CHST9: variants seen among roughly 807,000 people sequenced by gnomAD.
The protein encoded by CHST9 is carbohydrate sulfotransferase 9, also known as GalNAc-4-sulfotransferase 2.
CHST9 carries 41 observed loss-of-function variants against 44.4 expected under a neutral mutation model. That is an observed-to-expected ratio of 0.92 (90% CI 0.72 to 1.20). The LOEUF is 1.20. Ranked by LOEUF, CHST9 falls within the 50% of genes most tolerant of loss-of-function variation. The probability of loss-of-function intolerance (pLI) is 0.00; values close to 1 mark genes in which losing one functional copy is unlikely to be tolerated. For synonymous variants in CHST9, 171 were observed against 178.4 expected, an observed-to-expected ratio of 0.96 and a Z score of 0.33; for missense variants, 504 against 516.5, an observed-to-expected ratio of 0.98 and a Z score of 0.23.
chr18:26,916,647 G>A lies in CHST9; in HGVS notation c.944C>T (p.Pro315Leu). The A allele has an allele frequency of 6.2e-7, 1 of 1,613,804 alleles. No homozygotes were observed. The highest frequency in any genetic ancestry group is 2.2e-5 in the East Asian group (1 of 44,872). ...AATTAATGCTTCTTCACAGGCATTT[G>A]GTCGATATTTCTTGATAATTGCCTT... ...FGKAIIKKYRPNACEEALING... is the reference protein window; with the variant it reads ...FGKAIIKKYRLNACEEALING... The change falls in exon 6 of 6, where the codon CCA becomes CTA. Residue 315 changes from proline (P) to leucine (L), a missense_variant. Coordinates refer to ENST00000618847, the MANE Select transcript of CHST9 (RefSeq NM_031422.6).
rs146015150 is a variant in CHST9, at chr18:27,104,913, G to A, written c.121+37776C>T. 4.9e-3 allele frequency among the ~76,000 whole-genome samples: 753 copies of A among 152,174 alleles called. 4 individuals are homozygous for A. The highest frequency in any genetic ancestry group is 7.7e-3 in the Non-Finnish European group (522 of 67,998). ...ATGCCTCTTTAGTGCCTGGCTCATA[G>A]ACGGCACTAAAGACATAGTTGTTAA... On this transcript the variant is annotated intron_variant, in intron 2 of 5. Coordinates refer to ENST00000618847, the MANE Select transcript of CHST9 (RefSeq NM_031422.6).
intron 4 of CHST9, among the ~76,000 whole-genome samples, chr18:26,991,085 A>G (rs2056810576): frequency 6.6e-6 from 1 of 152,190 alleles, no homozygotes; most frequent in Non-Finnish European, 1.5e-5. Context: ...ATATTAAAAT[A>G]ATCACTTAAA....
intron 5 of CHST9, among the ~76,000 whole-genome samples, chr18:26,936,996 G>A (rs2056005465): frequency 6.6e-6 from 1 of 151,940 alleles, no homozygotes; most frequent in Admixed American, 6.6e-5. Context: ...GAACTTGTAA[G>A]AGAGTTTTTA....
chr18:26,953,162 C>G (rs2056274465), intron 4 of CHST9, among the ~76,000 whole-genome samples: 1 of 152,072 alleles, frequency 6.6e-6, no homozygotes, highest in South Asian at 2.1e-4. Context: ...CATGTCTGAG[C>G]AAATTCTAGA....
chr18:27,133,153 C>A (rs890991071), intron 2 of CHST9, among the ~76,000 whole-genome samples: 2 of 152,172 alleles, frequency 1.3e-5, no homozygotes, highest in Non-Finnish European at 2.9e-5. Flanking sequence ...GCCAACAGAA[C>A]TAATGAAGGG....
intron 2 of CHST9, among the ~76,000 whole-genome samples, chr18:27,093,709 C>T (rs143031108): frequency 1.2e-3 from 184 of 152,276 alleles, no homozygotes; most frequent in Middle Eastern, 6.8e-3. Flanking sequence ...CCAGGTGATG[C>T]GACGCCTTGC....
rs1568089042 is a variant in CHST9 at position 26,916,840 on chromosome 18, A to G, written c.751T>C (p.Tyr251His). The change falls in exon 6 of 6, where the codon TAC (tyrosine) becomes CAC (histidine). Residue 251 changes from tyrosine to histidine, a missense_variant. Coordinates refer to ENST00000618847, the MANE Select transcript of CHST9 (RefSeq NM_031422.6). ...AYNISHNAVH[Y>H]GKHLKKLDSF... ...TCTAGCTTCTTCAAATGCTTCCCGTAGTGGACAGCATTGTGGGAGATGTTG... is the reference window on the plus strand; with the variant it reads ...TCTAGCTTCTTCAAATGCTTCCCGTGGTGGACAGCATTGTGGGAGATGTTG... 6.2e-7 allele frequency: 1 copy of G among 1,613,934 alleles called. No individual in the cohort carries two copies.
chr18:27,053,195 A>AAG (rs1568150977), intron 2 of CHST9, among the ~76,000 whole-genome samples: 80 of 114,672 alleles, frequency 7.0e-4, no homozygotes, highest in Non-Finnish European at 9.4e-4. Flanking sequence ...GAAGAAGAAG[A>AAG]AAGAACAAGA....
At position 27,120,218 on chromosome 18, in the gene CHST9, G is replaced by A. The variant is rs73944530; in HGVS notation, c.121+22471C>T. Among the ~76,000 whole-genome samples the A allele has an allele frequency of 3.5e-3, 540 of 152,234 alleles. 1 individual carries two copies. The highest frequency in any genetic ancestry group is 0.012 in the African/African-American group (513 of 41,546). On this transcript the variant is annotated intron_variant, in intron 2 of 5. Transcript: ENST00000618847. Reference sequence around the variant, plus strand: ...GATATATTTCAATTGCCTACATTACGAGTAAATTTTTGATACAGGTAAAGA... The same window carrying A: ...GATATATTTCAATTGCCTACATTACAAGTAAATTTTTGATACAGGTAAAGA...
At chr18:27,052,968 G>A (rs2057586214) in intron 2 of CHST9, among the ~76,000 whole-genome samples, 1 of 151,652 alleles carries the variant, frequency 6.6e-6, no homozygotes, top group Non-Finnish European at 1.5e-5. Context: ...AATACCTAGT[G>A]CATGCAGGGC....
intron 4 of CHST9, among the ~76,000 whole-genome samples, chr18:27,005,979 G>C (rs908936408): frequency 6.6e-6 from 1 of 152,138 alleles, no homozygotes; most frequent in Admixed American, 6.5e-5. Context: ...TATTCCCATA[G>C]CTGCATAAGG....
intron 2 of CHST9, among the ~76,000 whole-genome samples, chr18:27,085,919 C>T (rs2058008145): frequency 6.6e-6 from 1 of 152,116 alleles, no homozygotes; most frequent in South Asian, 2.1e-4. Context: ...GTATATATAG[C>T]ATGGAATACT....
At position 27,084,455 on chromosome 18, in the gene CHST9, T is replaced by TG. The variant is rs201437322; in HGVS notation, c.122-35953dup. ...TCATAGTGGTGTTCATAACACTCGC[T>TG]GGGTTTTTTTTTTTTTATTTCTGTG... On this transcript the variant is annotated intron_variant, in intron 2 of 5. Coordinates refer to ENST00000618847, the MANE Select transcript of CHST9 (RefSeq NM_031422.6). 4.4e-3 allele frequency among the ~76,000 whole-genome samples: 293 copies of TG among 66,448 alleles called. 2 individuals carry two copies. The highest frequency in any genetic ancestry group is 0.013 in the African/African-American group (270 of 20,120). The allele number at this position is 66,448 out of a possible 152,430, so 43.6% of individuals were successfully genotyped here.
chr18:27,068,790 C>T (rs1248062538), intron 2 of CHST9, among the ~76,000 whole-genome samples: 2 of 152,246 alleles, frequency 1.3e-5, no homozygotes, highest in Middle Eastern at 3.4e-3. Flanking sequence ...TCTTCCAGGC[C>T]CCTTTCACAA....
At chr18:27,098,188 G>A (rs774803062) in intron 2 of CHST9, among the ~76,000 whole-genome samples, 2 of 150,594 alleles carry the variant, frequency 1.3e-5, no homozygotes, top group African/African-American at 2.4e-5. Context: ...TTTATGTGGC[G>A]AAAAAACATT....
In CHST9 at chr18:27,114,872, T is replaced by G. The variant is rs76803210; in HGVS notation, c.121+27817A>C. Among the ~76,000 whole-genome samples the G allele has an allele frequency of 2.1e-3, 323 of 152,362 alleles. 2 individuals carry two copies. The highest frequency in any genetic ancestry group is 7.6e-3 in the African/African-American group (316 of 41,592). On this transcript the variant is annotated intron_variant, in intron 2 of 5. Transcript: ENST00000618847. The stretch of plus-strand genomic sequence containing the variant: ...ACATTTGGATACGTGGGTACTGATG[T>G]GATTTGGCTGTGTCCCCACCCAAAA...
At chr18:27,064,491 C>T (rs950300191) in intron 2 of CHST9, among the ~76,000 whole-genome samples, 1 of 152,222 alleles carries the variant, frequency 6.6e-6, no homozygotes, top group Non-Finnish European at 1.5e-5. Context: ...CTAGCTTCAA[C>T]TCAAGACAGT....
At chr18:27,032,096 A>G (rs1247534420) in intron 3 of CHST9, among the ~76,000 whole-genome samples, 1 of 152,122 alleles carries the variant, frequency 6.6e-6, no homozygotes, top group Non-Finnish European at 1.5e-5. Flanking sequence ...TTGTGCTTCT[A>G]ACCTTTACAC....
rs2058067012 is a variant in CHST9 at position 27,091,353 on chromosome 18, G to C, written c.122-42850C>G. On this transcript the variant is annotated intron_variant, in intron 2 of 5. Transcript: ENST00000618847. ...GCTTAAGGAGATTTTGGGCTGAGATGATGGGGTTTTCTAAATATATAATCA... is the reference window on the plus strand; with the variant it reads ...GCTTAAGGAGATTTTGGGCTGAGATCATGGGGTTTTCTAAATATATAATCA... 5.9e-5 allele frequency among the ~76,000 whole-genome samples: 9 copies of C among 152,236 alleles called. No homozygotes were observed. The South Asian group carries it at 1.9e-3, about 32-fold the overall frequency.
Sources: allele counts gnomAD v4.1 joint callset (sites outside exome capture counted in the v4.1 genomes callset), GRCh38; gene constraint gnomAD v4.1.1; transcripts MANE v1.5; gene names NCBI Gene and HGNC (gene_info 2026-07-23, HGNC 2026-07-21).